The following EPRS1 variants were observed in gnomAD, a reference collection of about 807,000 sequenced individuals.
EPRS1 encodes the protein glutamyl-prolyl-tRNA synthetase 1, also known as bifunctional glutamate/proline--tRNA ligase.
A neutral mutation model predicts 188.3 loss-of-function variants in EPRS1; 107 were observed. The observed-to-expected ratio is 0.57, with a 90% CI of 0.49 to 0.67. The LOEUF (loss-of-function observed/expected upper bound fraction) is 0.67, where lower values mean the gene tolerates loss of function less well. Among genes scored for constraint, EPRS1 ranks in the 30% least tolerant of loss-of-function variants. The pLI, the probability that EPRS1 is intolerant of heterozygous loss-of-function variation, is 0.00. For synonymous variants in EPRS1, 596 were observed against 593.1 expected (o/e 1.00, Z -0.07); for missense variants, 1,577 against 1,802.2 (o/e 0.88, Z 2.26).
At chr1:220,041,297 G>A (rs531908627) in intron 1 of EPRS1, among the ~76,000 whole-genome samples, 17 of 151,556 alleles carry the variant, frequency 1.1e-4, no homozygotes, top group Non-Finnish European at 1.9e-4. Flanking sequence ...GCACCACTGC[G>A]TTCCTGCCTG....
chr1:219,977,234 C>T (rs1262076447), intron 28 of EPRS1, among the ~76,000 whole-genome samples: 1 of 152,104 alleles, frequency 6.6e-6, no homozygotes, highest in African/African-American at 2.4e-5. Flanking sequence ...CTCTCTTTCT[C>T]AATGTTCTTT....
At chr1:219,974,413 G>A (rs1045925608) in intron 28 of EPRS1, among the ~76,000 whole-genome samples, 5 of 152,148 alleles carry the variant, frequency 3.3e-5, no homozygotes, top group Non-Finnish European at 2.9e-5. Context: ...TGTGTATCCC[G>A]TAAGGGGATT....
intron 13 of EPRS1, 30 bp downstream of exon 13, chr1:220,010,916 G>GA (rs1389734311): frequency 7.8e-7 from 1 of 1,287,070 alleles, no homozygotes; most frequent in South Asian, 1.2e-5. Flanking sequence ...TTAACAGAGA[G>GA]AAACACATTG....
chr1:219,997,424 TATA>T (rs1661259137), intron 17 of EPRS1, 82 bp from the exon 18 acceptor site: 1 of 1,244,188 alleles, frequency 8.0e-7, no homozygotes, highest in Non-Finnish European at 1.1e-6. Context: ...CTGATTGTTT[TATA>T]ATGTTTCCAA....
At chr1:220,006,374 T>C (rs542958129) in intron 14 of EPRS1, 61 bp from the exon 15 acceptor site, 1 of 545,168 alleles carries the variant, frequency 1.8e-6, no homozygotes, top group East Asian at 3.5e-5. Flanking sequence ...AAATTCATTA[T>C]TTTGTTCTAT....
intron 18 of EPRS1, among the ~76,000 whole-genome samples, chr1:219,991,227 TAAAAAAA>T (rs61141405): frequency 2.4e-5 from 3 of 123,622 alleles, no homozygotes; most frequent in Non-Finnish European, 5.0e-5. Context: ...GGAGTGACCT[TAAAAAAA>T]AAAAAAAAAA....
At chr1:220,030,533 G>A in intron 5 of EPRS1, 53 bp from the exon 6 acceptor site, 1 of 1,312,712 alleles carries the variant, frequency 7.6e-7, no homozygotes, top group Non-Finnish European at 1.1e-6. Flanking sequence ...AAATGTCTAA[G>A]AACACACTCA....
Position 219,983,245 on chromosome 1 carries a change from C to A in EPRS1, c.3244G>T (p.Val1082Leu). ...GVENCYFPMF[V>L]SQSALEKEKT... Reference sequence around the variant, plus strand: ...TCTTTCTCTAATGCACTTTGAGACACAAACATGGGGAAGTAGCAGTTTTCA... The same window carrying A: ...TCTTTCTCTAATGCACTTTGAGACAAAAACATGGGGAAGTAGCAGTTTTCA... The change falls in exon 22 of 32, where the codon GTG becomes TTG. Residue 1082 changes from valine (V) to leucine (L), a missense_variant. Val to Leu is a conservative substitution (Grantham distance 32). Coordinates refer to ENST00000366923, the MANE Select transcript of EPRS1 (RefSeq NM_004446.3). 6.2e-7 allele frequency: 1 copy of A among 1,614,122 alleles called. No homozygotes were observed.
chr1:220,018,829 TA>T (rs34224725), intron 11 of EPRS1, among the ~76,000 whole-genome samples, 165 bp downstream of exon 11: 25 of 136,158 alleles, frequency 1.8e-4, no homozygotes, highest in African/African-American at 3.0e-4. Context: ...TGATAAACTT[TA>T]AAAAAAAAAA....
chr1:219,975,222 G>T (rs1029135209), intron 28 of EPRS1, among the ~76,000 whole-genome samples: 2 of 152,162 alleles, frequency 1.3e-5, no homozygotes, highest in Non-Finnish European at 2.9e-5. Flanking sequence ...CATGAGAACA[G>T]CTTTGCATAG....
chr1:220,025,573 T>C (rs1176205948), intron 6 of EPRS1, among the ~76,000 whole-genome samples: 1 of 152,102 alleles, frequency 6.6e-6, no homozygotes, highest in East Asian at 1.9e-4. Flanking sequence ...GAATGATCAT[T>C]TAATTAAAGT....
chr1:220,008,092 G>T (rs1661528504), intron 13 of EPRS1, among the ~76,000 whole-genome samples: 1 of 147,134 alleles, frequency 6.8e-6, no homozygotes. Flanking sequence ...GGGCAACAGA[G>T]CGAGACTCCG....
intron 6 of EPRS1, 67 bp downstream of exon 6, chr1:220,030,319 T>C: frequency 1.0e-6 from 1 of 1,001,010 alleles, no homozygotes; most frequent in South Asian, 1.4e-5. Context: ...CTTTAAGTAT[T>C]TAATCACTGT....
chr1:220,009,802 TTC>T (rs1661564910), intron 13 of EPRS1, among the ~76,000 whole-genome samples: 1 of 152,134 alleles, frequency 6.6e-6, no homozygotes, highest in Non-Finnish European at 1.5e-5. Flanking sequence ...TATTTAAGAT[TTC>T]TATTCAGGGC....
chr1:219,969,203 T>A (rs1301742480), intron 30 of EPRS1, 81 bp from the exon 31 acceptor site: 1 of 1,025,532 alleles, frequency 9.8e-7, no homozygotes, highest in Non-Finnish European at 1.5e-6. Context: ...AGTTCTATAT[T>A]AAACTGGCAA....
chr1:219,994,695 G>A (rs954455023), intron 18 of EPRS1, among the ~76,000 whole-genome samples: 2 of 142,970 alleles, frequency 1.4e-5, no homozygotes, highest in African/African-American at 5.3e-5. Flanking sequence ...CTGTTGCCCA[G>A]GCTGGAGTAC....
chr1:220,045,665 T>C (rs1487613502), intron 1 of EPRS1, among the ~76,000 whole-genome samples: 1 of 152,174 alleles, frequency 6.6e-6, no homozygotes, highest in African/African-American at 2.4e-5. Flanking sequence ...AGGTGACAGA[T>C]CCAATGTTTA....
intron 16 of EPRS1, among the ~76,000 whole-genome samples, chr1:220,003,142 T>C (rs12068478): frequency 0.17 from 26,412 of 152,172 alleles, 3,905 homozygotes; most frequent in East Asian, 0.4. Flanking sequence ...ACCCTTGTTA[T>C]TGTCTTTTTT....
intron 31 of EPRS1, 25 bp downstream of exon 31, chr1:219,969,033 A>T (rs1558267375): frequency 6.2e-7 from 1 of 1,612,650 alleles, no homozygotes. Flanking sequence ...ATTTTTCAAA[A>T]GTTTTGCCAG....
Sources: gnomAD v4.1 joint callset for allele counts (sites outside exome capture counted in the v4.1 genomes callset) on GRCh38, gnomAD v4.1.1 for gene constraint, MANE v1.5 for transcripts, NCBI Gene and HGNC (gene_info 2026-07-23, HGNC 2026-07-21) for gene names.